RASGRP1: variants seen among roughly 807,000 people sequenced by gnomAD.
The protein encoded by RASGRP1 is RAS guanyl releasing protein 1.
Under a neutral mutation model 95.1 loss-of-function variants are expected in RASGRP1, and 37 were observed. That is an observed-to-expected ratio of 0.39 (90% CI 0.30 to 0.51). The LOEUF is 0.51. Ranked by LOEUF, RASGRP1 falls within the 20% of genes least tolerant of loss-of-function variation. RASGRP1 has a pLI of 0.80. For missense variants in RASGRP1, 711 were observed against 965.4 expected, an observed-to-expected ratio of 0.74 and a Z score of 3.49; for synonymous variants, 325 against 353.4, an observed-to-expected ratio of 0.92 and a Z score of 0.90.
rs531316401 is a variant in RASGRP1, at chr15:38,557,280, T to G, written c.220+2541A>C. ...GTCCCAGCCCCATAGATGGGTCAAC[T>G]GATAACCAAAGAGCAAGAAGAGAGA... On this transcript the variant is annotated intron_variant, in intron 2 of 16. Coordinates refer to ENST00000310803, the MANE Select transcript of RASGRP1 (RefSeq NM_005739.4). 1.1e-4 allele frequency among the ~76,000 whole-genome samples: 17 copies of G among 152,332 alleles called. No homozygotes were observed. In the South Asian group the frequency reaches 3.5e-3, roughly 32 times the overall value.
chr15:38,533,976 G>T (rs1472312883), intron 2 of RASGRP1, among the ~76,000 whole-genome samples: 1 of 152,192 alleles, frequency 6.6e-6, no homozygotes, highest in Admixed American at 6.5e-5. Context: ...GACAGGTGTG[G>T]GCCACCTCCA....
At chr15:38,502,858 G>A (rs575002719) in intron 11 of RASGRP1, 8 of 231,074 alleles carry the variant, frequency 3.5e-5, no homozygotes, top group Non-Finnish European at 5.1e-5. Context: ...TTACATGTGA[G>A]TTGTCCACGA....
intron 14 of RASGRP1, among the ~76,000 whole-genome samples, chr15:38,499,496 C>T (rs145896652): frequency 1.1e-3 from 170 of 152,234 alleles, no homozygotes; most frequent in African/African-American, 3.7e-3. Context: ...TCTAGGCCAG[C>T]CACGACAGAA....
chr15:38,547,846 T>C (rs955642049), intron 2 of RASGRP1, among the ~76,000 whole-genome samples: 4 of 151,656 alleles, frequency 2.6e-5, no homozygotes, highest in African/African-American at 9.7e-5. Flanking sequence ...TGCTCAAAAC[T>C]GTGTGTGTGT....
At chr15:38,547,667 A>AT (rs994581201) in intron 2 of RASGRP1, among the ~76,000 whole-genome samples, 1 of 152,098 alleles carries the variant, frequency 6.6e-6, no homozygotes, top group African/African-American at 2.4e-5. Flanking sequence ...CACCTTTAAA[A>AT]TTTTTTACCA....
At chr15:38,499,649 G>C (rs748306868) in intron 14 of RASGRP1, among the ~76,000 whole-genome samples, 8 of 152,164 alleles carry the variant, frequency 5.3e-5, no homozygotes, top group African/African-American at 1.9e-4. Flanking sequence ...TGGACTAAAT[G>C]GACAACTACT....
intron 10 of RASGRP1, 192 bp from the exon 11 acceptor site, chr15:38,503,568 G>C (rs184202896): frequency 1.7e-6 from 1 of 594,158 alleles, no homozygotes; most frequent in Non-Finnish European, 3.0e-6. Context: ...TTGTGCTTAC[G>C]GTTTCCAGAG....
chr15:38,499,562 G>A (rs367794553), intron 14 of RASGRP1, among the ~76,000 whole-genome samples: 46 of 152,302 alleles, frequency 3.0e-4, no homozygotes, highest in African/African-American at 9.6e-4. Flanking sequence ...TTCTCTCTTC[G>A]GTGTGGCGGT....
chr15:38,554,178 C>A (rs1893453979), intron 2 of RASGRP1, among the ~76,000 whole-genome samples: 1 of 152,186 alleles, frequency 6.6e-6, no homozygotes, highest in Non-Finnish European at 1.5e-5. Context: ...CGGGGGAAGA[C>A]TGACCAGAGT....
In RASGRP1 at chr15:38,488,115, T is replaced by G. The variant is rs889164225; in HGVS notation, c.*2439A>C. On this transcript the variant is annotated 3_prime_UTR_variant, in exon 17 of 17. Coordinates refer to ENST00000310803, the MANE Select transcript of RASGRP1 (RefSeq NM_005739.4). ...CAAGACATTTGTGTTGTAGGGATCC[T>G]AATGTCTTTTATCATATAAATATTA... is the stretch of plus-strand genomic sequence containing the variant. 12 of 152,048 alleles carry G rather than the reference T, an allele frequency of 7.9e-5. No individual in the cohort carries two copies. The highest frequency in any genetic ancestry group is 1.2e-4 in the Non-Finnish European group (8 of 67,912). The allele number at this position is 152,048 out of a possible 1,614,324, so 9.4% of individuals were successfully genotyped here.
intron 11 of RASGRP1, chr15:38,502,982 A>G (rs925420171): frequency 4.4e-6 from 2 of 454,590 alleles, no homozygotes; most frequent in South Asian, 6.6e-5. Context: ...ACCCCTTACT[A>G]TACTCAAATG....
chr15:38,494,709 C>T lies in RASGRP1; in HGVS notation c.1932G>A (p.Glu644=), dbSNP rs1345872773. 2.0e-6 allele frequency: 3 copies of T among 1,521,376 alleles called. No homozygotes were observed. The highest frequency in any genetic ancestry group is 2.6e-6 in the Non-Finnish European group (3 of 1,138,304). 94.2% of individuals were successfully genotyped at this position (1,521,376 alleles called of 1,614,324 possible). A position where few individuals can be genotyped will look rare whatever the true frequency, so the allele number is the denominator to read the frequency against. The change falls in exon 16 of 17, where the codon GAG becomes GAA. Residue 644 remains glutamate (E), a synonymous_variant. Coordinates refer to ENST00000310803, the MANE Select transcript of RASGRP1 (RefSeq NM_005739.4). ...PNGEAVEHGE[E]SKDRTIMLMG... ...TCAGCATGATGGTCCGATCCTTACTCTCCTCACCATGTTCCACAGCCTCCC... is the reference window on the plus strand; with the variant it reads ...TCAGCATGATGGTCCGATCCTTACTTTCCTCACCATGTTCCACAGCCTCCC...
At chr15:38,526,246 A>G in intron 3 of RASGRP1, 53 bp downstream of exon 3, 1 of 1,393,214 alleles carries the variant, frequency 7.2e-7, no homozygotes, top group Non-Finnish European at 1.0e-6. Flanking sequence ...ATTTCAAGCT[A>G]CTTTTTGGGT....
chr15:38,501,705 C>A (rs968318221), intron 12 of RASGRP1, among the ~76,000 whole-genome samples: 2 of 152,104 alleles, frequency 1.3e-5, no homozygotes, highest in African/African-American at 4.8e-5. Context: ...ATTTATTTAA[C>A]CTTGAGAAAA....
chr15:38,538,197 G>A (rs2141161242), intron 2 of RASGRP1, among the ~76,000 whole-genome samples: 1 of 152,310 alleles, frequency 6.6e-6, no homozygotes, highest in Admixed American at 6.5e-5. Flanking sequence ...CTGGGAGGCG[G>A]AGGTTGCAGT....
intron 2 of RASGRP1, among the ~76,000 whole-genome samples, chr15:38,542,095 G>A (rs866380410): frequency 2.0e-5 from 3 of 152,094 alleles, no homozygotes; most frequent in African/African-American, 2.4e-5. Flanking sequence ...CTGGGAGGCC[G>A]AGATGGGAGG....
At position 38,502,314 on chromosome 15, in the gene RASGRP1, G is replaced by C; in HGVS notation, c.1536C>G (p.Asp512Glu). Residue 512 changes from aspartate (D) to glutamate (E), a missense_variant and splice_region_variant, in exon 12 of 17, where the codon GAC becomes GAG. By Grantham distance (45) the Asp-to-Glu change is conservative (BLOSUM62 2). Transcript: ENST00000310803. ...FPFSFCVMDKDREGLISRDEI... is the reference protein window; with the variant it reads ...FPFSFCVMDKEREGLISRDEI... ...TATTCCTAAGTACAAACCCTCACCT[G>C]TCTTTGTCCATCACACAGAAGGAAA... 1 of 1,568,120 alleles carries C rather than the reference G, an allele frequency of 6.4e-7. No individual in the cohort carries two copies.
chr15:38,526,286 T>A lies in RASGRP1; in HGVS notation c.326+13A>T, dbSNP rs375099691. 1 of 1,599,526 alleles carries A rather than the reference T, an allele frequency of 6.3e-7. No individual in the cohort carries two copies. Among genetic ancestry groups the A allele is most frequent in the Non-Finnish European group, 8.6e-7 (1 of 1,167,356 alleles). ...CCCATTTTGGGATTGCCAGTCACTA[T>A]GTTAAAGGATATAGGGTGATAACTT... is the stretch of plus-strand genomic sequence containing the variant. On this transcript the variant is annotated intron_variant, in intron 3 of 16. Transcript: ENST00000310803.
intron 16 of RASGRP1, among the ~76,000 whole-genome samples, chr15:38,492,103 C>T (rs1022915429): frequency 1.3e-5 from 2 of 152,118 alleles, no homozygotes; most frequent in Admixed American, 6.6e-5. Flanking sequence ...GTTCATTTTT[C>T]GAGGTTTCTT....
Sources: allele counts gnomAD v4.1 joint callset (sites outside exome capture counted in the v4.1 genomes callset), GRCh38; gene constraint gnomAD v4.1.1; transcripts MANE v1.5; gene names NCBI Gene and HGNC (gene_info 2026-07-23, HGNC 2026-07-21).